The following SAXO1 variants were observed in gnomAD, a reference collection of about 807,000 sequenced individuals.
SAXO1 encodes the protein stabilizer of axonemal microtubules 1, also known as 4930500O09Rik.
SAXO1 carries 21 observed loss-of-function variants against 17.5 expected under a neutral mutation model. That is an observed-to-expected ratio of 1.20 (90% CI 0.85 to 1.72). The LOEUF (loss-of-function observed/expected upper bound fraction) is 1.72, where lower values mean the gene tolerates loss of function less well. Ranked by LOEUF, SAXO1 falls within the 40% of genes most tolerant of loss-of-function variation. SAXO1 has a pLI of 0.00. For missense variants in SAXO1, 843 were observed against 596.0 expected (o/e 1.41, Z -4.32); for synonymous variants, 274 against 216.5 (o/e 1.27, Z -2.33).
intron 3 of SAXO1, among the ~76,000 whole-genome samples, chr9:18,930,500 C>CTTT (rs55974011): frequency 6.8e-6 from 1 of 146,360 alleles, no homozygotes; most frequent in Non-Finnish European, 1.5e-5. Flanking sequence ...ACTGCTGGAA[C>CTTT]TTTTTTTTTT....
At chr9:19,002,694 C>A (rs11521317) in intron 1 of SAXO1, among the ~76,000 whole-genome samples, 5,211 of 152,206 alleles carry the variant, frequency 0.034, 119 homozygotes, top group Middle Eastern at 0.071. Flanking sequence ...AATTCAACAC[C>A]CCTTCATGCT....
intron 1 of SAXO1, among the ~76,000 whole-genome samples, chr9:18,964,653 CTTCT>C (rs1374567392): frequency 2.0e-5 from 3 of 151,988 alleles, no homozygotes; most frequent in Admixed American, 6.6e-5. Context: ...TCTCTCTTTT[CTTCT>C]TTATTAGTCT....
At chr9:18,987,873 G>T (rs1032942646) in intron 1 of SAXO1, among the ~76,000 whole-genome samples, 2 of 150,916 alleles carry the variant, frequency 1.3e-5, no homozygotes, top group African/African-American at 4.9e-5. Context: ...CTATAACCTG[G>T]GCAACAGAGT....
intron 1 of SAXO1, among the ~76,000 whole-genome samples, chr9:18,980,761 A>G (rs7863129): frequency 0.74 from 97,988 of 131,560 alleles, 36,858 homozygotes; most frequent in Non-Finnish European, 0.77. Flanking sequence ...GTGGGAGGAG[A>G]AGCATATTTT....
At chr9:19,036,442 C>T (rs913487700), upstream of SAXO1, among the ~76,000 whole-genome samples, 1 of 151,796 alleles carries the variant, frequency 6.6e-6, no homozygotes, top group Non-Finnish European at 1.5e-5. Context: ...ATCACAGGCC[C>T]GCAGGCCTAG....
chr9:19,037,088 C>T (rs954753122), upstream of SAXO1, among the ~76,000 whole-genome samples: 1 of 152,208 alleles, frequency 6.6e-6, no homozygotes, highest in Non-Finnish European at 1.5e-5. Context: ...TGCATGGGGA[C>T]TGTAACCCCT....
intron 3 of SAXO1, among the ~76,000 whole-genome samples, chr9:18,935,888 C>G (rs1831267022): frequency 6.6e-6 from 1 of 152,210 alleles, no homozygotes; most frequent in Admixed American, 6.5e-5. Context: ...ACAGCCTAGC[C>G]TGCTCCGGCA....
chr9:18,986,460 T>C (rs1224039607), intron 1 of SAXO1, among the ~76,000 whole-genome samples: 1 of 152,150 alleles, frequency 6.6e-6, no homozygotes, highest in Non-Finnish European at 1.5e-5. Context: ...GAGAGACCAA[T>C]CGAGGAAGGT....
chr9:18,947,175 T>TA (rs1563935841), intron 2 of SAXO1, among the ~76,000 whole-genome samples: 1 of 152,232 alleles, frequency 6.6e-6, no homozygotes, highest in East Asian at 1.9e-4. Context: ...GGAGGCTAAG[T>TA]ATATGCCCAG....
In SAXO1 at chr9:18,928,810, C is replaced by T; in HGVS notation, c.667G>A (p.Glu223Lys). Residue 223 changes from glutamate to lysine, a missense_variant, in exon 4 of 4, where the codon GAA becomes AAA. Transcript: ENST00000380534. ...TCACAGGGCCTGAACTTCTCTGCTT[C>T]ATGCACAAAGCGCTTCTCCACGGGG... ...AHPVEKRFVH[E>K]AEKFRPCEIP... 2 of 1,614,182 alleles carry T rather than the reference C, an allele frequency of 1.2e-6. No individual in the cohort carries two copies. The highest frequency in any genetic ancestry group is 1.7e-6 in the Non-Finnish European group (2 of 1,180,044).
intron 1 of SAXO1, among the ~76,000 whole-genome samples, chr9:19,023,615 A>G (rs10757022): frequency 0.51 from 77,774 of 152,048 alleles, 21,486 homozygotes; most frequent in Non-Finnish European, 0.63. Context: ...GTCAATCATC[A>G]CTTAATCATG....
chr9:19,016,774 TTC>T (rs1180614765), intron 1 of SAXO1, among the ~76,000 whole-genome samples: 1 of 152,104 alleles, frequency 6.6e-6, no homozygotes, highest in Non-Finnish European at 1.5e-5. Flanking sequence ...GCTAGCCATT[TTC>T]TTTTAACTAT....
At chr9:19,001,183 G>C (rs1002755006) in intron 1 of SAXO1, among the ~76,000 whole-genome samples, 2 of 152,138 alleles carry the variant, frequency 1.3e-5, no homozygotes, top group African/African-American at 4.8e-5. Context: ...TGACCACATA[G>C]TTGGAAGTAA....
intron 1 of SAXO1, among the ~76,000 whole-genome samples, chr9:18,996,441 C>T (rs1331818028): frequency 1.3e-5 from 2 of 152,222 alleles, no homozygotes. Flanking sequence ...GGCTGTAAGC[C>T]TGTACAGCAT....
chr9:19,028,025 G>C (rs1376695284), intron 1 of SAXO1: 10 of 1,608,742 alleles, frequency 6.2e-6, no homozygotes, highest in African/African-American at 2.7e-5. Context: ...GTGGAGGCGG[G>C]TATGATCGCA....
chr9:18,933,058 T>C (rs1307554796), intron 3 of SAXO1, among the ~76,000 whole-genome samples: 5 of 152,230 alleles, frequency 3.3e-5, no homozygotes, highest in Admixed American at 6.5e-5. Flanking sequence ...GAACCTCCAA[T>C]ACAATATTGA....
intron 2 of SAXO1, among the ~76,000 whole-genome samples, chr9:18,945,381 T>C (rs150039893): frequency 1.3e-4 from 20 of 152,358 alleles, no homozygotes; most frequent in African/African-American, 4.8e-4. Context: ...CCACTCCTCA[T>C]GATCTTTTCT....
chr9:19,011,848 G>GCT (rs10646825), intron 1 of SAXO1, among the ~76,000 whole-genome samples: 1 of 143,522 alleles, frequency 7.0e-6, no homozygotes, highest in South Asian at 2.2e-4. Context: ...ATTAAGCATA[G>GCT]ATTTTTTTTT....
At chr9:19,017,066 T>A (rs1835006840) in intron 1 of SAXO1, among the ~76,000 whole-genome samples, 1 of 152,058 alleles carries the variant, frequency 6.6e-6, no homozygotes, top group Non-Finnish European at 1.5e-5. Context: ...CCTAGCACTT[T>A]GGGAGGCAGA....
Sources: allele counts gnomAD v4.1 joint callset (sites outside exome capture counted in the v4.1 genomes callset), GRCh38; gene constraint gnomAD v4.1.1; transcripts MANE v1.5; gene names NCBI Gene and HGNC (gene_info 2026-07-23, HGNC 2026-07-21).